CDH13: variants seen among roughly 807,000 people sequenced by gnomAD.
CDH13 encodes the protein cadherin 13, also known as cadherin-13.
A neutral mutation model predicts 63.8 loss-of-function variants in CDH13; 24 were observed. That is an observed-to-expected ratio of 0.38 (90% CI 0.27 to 0.53). The LOEUF is 0.53. Ranked by LOEUF, CDH13 falls within the 20% of genes least tolerant of loss-of-function variation. The pLI is 0.85. For synonymous variants in CDH13, 503 were observed against 355.3 expected (o/e 1.42, Z -4.67); for missense variants, 1,049 against 903.1 (o/e 1.16, Z -2.07).
chr16:82,955,892 G>C (rs1186999099), intron 2 of CDH13, among the ~76,000 whole-genome samples: 4 of 152,178 alleles, frequency 2.6e-5, no homozygotes, highest in Non-Finnish European at 4.4e-5. Flanking sequence ...GAATGCCTTA[G>C]GTGTTTCCTC....
chr16:83,341,992 CA>C (rs777505888), intron 5 of CDH13, among the ~76,000 whole-genome samples: 1,000 of 96,962 alleles, frequency 0.01, 9 homozygotes, highest in East Asian at 0.028. Flanking sequence ...TCCCCTGCCA[CA>C]CACACACACA....
Position 83,452,551 on chromosome 16 carries a change from G to A in CDH13, c.782-33926G>A, listed in dbSNP as rs141530526. On this transcript the variant is annotated intron_variant, in intron 6 of 13. Transcript: ENST00000567109. ...CGTTTTGTGTTTGGTTGATGTTTTC[G>A]TTGTTGTTTTGCTTGGGGATGGTAC... is the stretch of plus-strand genomic sequence containing the variant. Among the ~76,000 whole-genome samples, 11 of 152,122 alleles carry A rather than the reference G, an allele frequency of 7.2e-5. No homozygotes were observed. In the East Asian group the frequency reaches 1.2e-3, roughly 16 times the overall value.
intron 5 of CDH13, among the ~76,000 whole-genome samples, chr16:83,266,062 T>C (rs1038832772): frequency 4.6e-5 from 7 of 152,016 alleles, no homozygotes; most frequent in Non-Finnish European, 8.8e-5. Context: ...TCAGCATCCC[T>C]AGTACCTGAG....
chr16:83,135,565 A>T (rs938692851), intron 4 of CDH13, among the ~76,000 whole-genome samples: 7 of 152,202 alleles, frequency 4.6e-5, no homozygotes, highest in African/African-American at 1.7e-4. Flanking sequence ...CTCTGGATGG[A>T]TTTTAAAATA....
Position 83,180,848 on chromosome 16 carries a change from A to G in CDH13, c.484-36497A>G, listed in dbSNP as rs535714365. The G allele has an allele frequency of 8.1e-6, 12 of 1,484,102 alleles. No individual in the cohort carries two copies. The Admixed American group carries it at 9.9e-5, about 12-fold the overall frequency. 91.9% of individuals were successfully genotyped at this position (1,484,102 alleles called of 1,614,324 possible). The stretch of plus-strand genomic sequence containing the variant: ...ATTTTAATCCCCAATTTACAACAAA[A>G]TGTGTTTTTTTTTTCTTACAGAGAA... On this transcript the variant is annotated intron_variant, in intron 4 of 13. Coordinates refer to ENST00000567109, the MANE Select transcript of CDH13 (RefSeq NM_001257.5).
At chr16:82,994,910 A>G (rs551896763) in intron 2 of CDH13, among the ~76,000 whole-genome samples, 9 of 152,332 alleles carry the variant, frequency 5.9e-5, no homozygotes, top group Non-Finnish European at 1.0e-4. Flanking sequence ...TACTAGCTAC[A>G]TGACCTCGGG....
At position 83,557,710 on chromosome 16, in the gene CDH13, G is replaced by A. The variant is rs574816954; in HGVS notation, c.961-44744G>A. 4.6e-5 allele frequency among the ~76,000 whole-genome samples: 7 copies of A among 152,120 alleles called. No homozygotes were observed. The South Asian group carries it at 6.2e-4, about 14-fold the overall frequency. The stretch of plus-strand genomic sequence containing the variant: ...AGGAGATAAGCAGCGGGGACTTGCC[G>A]TCTTCCTAGATAGTACTGTTACTTG... On this transcript the variant is annotated intron_variant, in intron 7 of 13. Coordinates refer to ENST00000567109, the MANE Select transcript of CDH13 (RefSeq NM_001257.5).
intron 1 of CDH13, among the ~76,000 whole-genome samples, chr16:82,772,104 C>T (rs1314778310): frequency 6.6e-6 from 1 of 152,158 alleles, no homozygotes; most frequent in Non-Finnish European, 1.5e-5. Flanking sequence ...TTAGCAATGG[C>T]TTGGAAGAGC....
At chr16:82,962,273 T>C (rs1907135786) in intron 2 of CDH13, among the ~76,000 whole-genome samples, 1 of 152,154 alleles carries the variant, frequency 6.6e-6, no homozygotes, top group African/African-American at 2.4e-5. Flanking sequence ...TACAGCAATA[T>C]GGCCCCAAGC....
intron 6 of CDH13, among the ~76,000 whole-genome samples, chr16:83,432,087 G>A (rs2072133123): frequency 6.6e-6 from 1 of 152,202 alleles, no homozygotes; most frequent in Non-Finnish European, 1.5e-5. Context: ...CAAGGGGATA[G>A]TGTCTTGGAC....
intron 6 of CDH13, among the ~76,000 whole-genome samples, chr16:83,378,838 T>C (rs1413238718): frequency 1.3e-5 from 2 of 152,156 alleles, no homozygotes; most frequent in East Asian, 1.9e-4. Context: ...CACCCTAAAA[T>C]CATCATAGGA....
Position 83,169,517 on chromosome 16 carries a change from G to A in CDH13, c.483+44016G>A, listed in dbSNP as rs531891463. Among the ~76,000 whole-genome samples, 135 of 151,684 alleles carry A rather than the reference G, an allele frequency of 8.9e-4. 1 individual carries two copies. The Middle Eastern group carries it at 0.021, about 23-fold the overall frequency. On this transcript the variant is annotated intron_variant, in intron 4 of 13. Transcript: ENST00000567109. ...CACTTTGATTGATGAAAATGATAAG[G>A]TACTGTGGCCTTTTTTTTTGCCATT...
chr16:82,864,199 T>C (rs1393527891), intron 2 of CDH13, among the ~76,000 whole-genome samples: 4 of 152,198 alleles, frequency 2.6e-5, no homozygotes, highest in Non-Finnish European at 5.9e-5. Context: ...AGTTTTAATA[T>C]GTCGTTGTTT....
Position 83,186,429 on chromosome 16 carries a change from G to A in CDH13, c.484-30916G>A, listed in dbSNP as rs1009209563. On this transcript the variant is annotated intron_variant, in intron 4 of 13. Transcript: ENST00000567109. ...TGGGATTACAGGCCTGAGCCACAGC[G>A]CCCGGCCTAATGGCATCTTAGTCAT... Among the ~76,000 whole-genome samples, 12 of 152,192 alleles carry A rather than the reference G, an allele frequency of 7.9e-5. No homozygotes were observed. In the East Asian group the frequency reaches 1.9e-3, roughly 25 times the overall value.
chr16:83,017,842 CAT>C (rs1914953900), intron 2 of CDH13, among the ~76,000 whole-genome samples: 2 of 152,164 alleles, frequency 1.3e-5, no homozygotes, highest in Admixed American at 1.3e-4. Context: ...GCAGAACTAA[CAT>C]AAATGATGTC....
At chr16:82,809,939 A>T (rs577022497) in intron 1 of CDH13, among the ~76,000 whole-genome samples, 20 of 152,290 alleles carry the variant, frequency 1.3e-4, no homozygotes, top group African/African-American at 4.8e-4. Flanking sequence ...ATTAACTGAT[A>T]CGTAGACTTG....
At chr16:83,204,796 C>T (rs75001829) in intron 4 of CDH13, among the ~76,000 whole-genome samples, 6,332 of 152,298 alleles carry the variant, frequency 0.042, 264 homozygotes, top group African/African-American at 0.11. Flanking sequence ...TCCTCGTTGT[C>T]ATTGTCCTTT....
chr16:83,494,817 T>C (rs1378338883), intron 7 of CDH13, among the ~76,000 whole-genome samples: 1 of 152,240 alleles, frequency 6.6e-6, no homozygotes, highest in Non-Finnish European at 1.5e-5. Flanking sequence ...TCTCATTTGC[T>C]GTGCCTTTTC....
At chr16:83,667,834 T>G (rs577007367) in intron 8 of CDH13, among the ~76,000 whole-genome samples, 6 of 149,746 alleles carry the variant, frequency 4.0e-5, no homozygotes, top group Non-Finnish European at 9.0e-5. Flanking sequence ...ATTTTTTACA[T>G]TTTTTTTTAG....
Sources: gnomAD v4.1 joint callset for allele counts (sites outside exome capture counted in the v4.1 genomes callset) on GRCh38, gnomAD v4.1.1 for gene constraint, MANE v1.5 for transcripts, NCBI Gene and HGNC (gene_info 2026-07-23, HGNC 2026-07-21) for gene names.